The following TIAM2 variants were observed in gnomAD, a reference collection of about 807,000 sequenced individuals.
TIAM2 encodes rho guanine nucleotide exchange factor TIAM2.
TIAM2 carries 80 observed loss-of-function variants against 152.9 expected under a neutral mutation model. That is an observed-to-expected ratio of 0.52 (90% CI 0.44 to 0.63). The LOEUF (loss-of-function observed/expected upper bound fraction) is 0.63, where lower values mean the gene tolerates loss of function less well. Ranked by LOEUF, TIAM2 falls within the 30% of genes least tolerant of loss-of-function variation. The probability of loss-of-function intolerance (pLI) is 0.00; values close to 1 mark genes in which losing one functional copy is unlikely to be tolerated. For missense variants in TIAM2, 1,965 were observed against 2,120.1 expected, an observed-to-expected ratio of 0.93 and a Z score of 1.44; for synonymous variants, 804 against 838.0, an observed-to-expected ratio of 0.96 and a Z score of 0.70.
Position 155,133,218 on chromosome 6 carries a change from G to C in TIAM2, c.1194+2801G>C, listed in dbSNP as rs185544560. ...GAAAATTAGCTGGGCATGCTGGCAT[G>C]TGCCTGTTAGTCCCACTACTTGGGA... On this transcript the variant is annotated intron_variant, in intron 4 of 26. Coordinates refer to ENST00000682666, the MANE Select transcript of TIAM2 (RefSeq NM_012454.4). Among the ~76,000 whole-genome samples the C allele has an allele frequency of 5.0e-4, 76 of 152,268 alleles. 1 individual carries two copies. Among genetic ancestry groups the C allele is most frequent in the Admixed American group, 4.0e-3 (61 of 15,296 alleles).
intron 1 of TIAM2, among the ~76,000 whole-genome samples, chr6:155,057,363 G>T (rs1777476680): frequency 6.6e-6 from 1 of 151,754 alleles, no homozygotes; most frequent in African/African-American, 2.4e-5. Context: ...ATTGAACTGG[G>T]CTAATATGTT....
intron 15 of TIAM2, among the ~76,000 whole-genome samples, chr6:155,226,164 GC>G (rs1292150918): frequency 2.6e-5 from 4 of 152,164 alleles, no homozygotes. Flanking sequence ...CTGTCTCCCT[GC>G]CCCCATCCCA....
At chr6:155,168,397 G>A (rs1780495943) in intron 9 of TIAM2, among the ~76,000 whole-genome samples, 1 of 152,036 alleles carries the variant, frequency 6.6e-6, no homozygotes, top group South Asian at 2.1e-4. Context: ...TCGTGCTGTT[G>A]CCCAGGCTGC....
chr6:155,257,020 G>T lies in TIAM2; in HGVS notation c.5005G>T (p.Asp1669Tyr). 1 of 1,614,100 alleles carries T rather than the reference G, an allele frequency of 6.2e-7. No individual in the cohort carries two copies. The highest frequency in any genetic ancestry group is 8.5e-7 in the Non-Finnish European group (1 of 1,180,016). The stretch of plus-strand genomic sequence containing the variant: ...CAGTCAGTCTGAAAATGCCACCATC[G>T]ACCTAAATTCTGTTCTAGAGCGAGA... ...LDSQSENATI[D>Y]LNSVLEREFS... Residue 1669 changes from aspartate (D) to tyrosine (Y), a missense_variant, in exon 27 of 27, where the codon GAC (aspartate) becomes TAC (tyrosine). Asp to Tyr is a radical substitution (Grantham distance 160, BLOSUM62 -3). Coordinates refer to ENST00000682666, the MANE Select transcript of TIAM2 (RefSeq NM_012454.4).
chr6:155,104,065 C>CA (rs1277284175), intron 2 of TIAM2, among the ~76,000 whole-genome samples: 6 of 134,252 alleles, frequency 4.5e-5, no homozygotes, highest in African/African-American at 1.8e-4. Flanking sequence ...CCCCCACACA[C>CA]CCCCACACAC....
At chr6:155,094,367 A>G (rs772357144) in intron 2 of TIAM2, among the ~76,000 whole-genome samples, 3 of 152,138 alleles carry the variant, frequency 2.0e-5, no homozygotes, top group Non-Finnish European at 2.9e-5. Flanking sequence ...TATTTTTTCA[A>G]TGTCCATAGT....
chr6:155,250,801 A>C, intron 21 of TIAM2, 112 bp from the exon 22 acceptor site: 1 of 1,248,362 alleles, frequency 8.0e-7, no homozygotes, highest in Non-Finnish European at 1.2e-6. Flanking sequence ...CATAAAAATT[A>C]AACCAGCTGT....
chr6:155,032,213 G>A (rs772438425), intron 1 of TIAM2, among the ~76,000 whole-genome samples: 7 of 152,112 alleles, frequency 4.6e-5, no homozygotes, highest in African/African-American at 9.7e-5. Context: ...GCATACACAC[G>A]TCTTAAGCCT....
rs773489718 is a variant in TIAM2, at chr6:155,243,994, C to T, written c.3349-17C>T. 2.5e-5 allele frequency: 40 copies of T among 1,609,702 alleles called. No individual in the cohort carries two copies. Among genetic ancestry groups the T allele is most frequent in the Non-Finnish European group, 3.3e-5 (39 of 1,177,530 alleles). Reference sequence around the variant, plus strand: ...GAGACTAAAGCGTTGAAGACACTTTCTTCTATTTTCTTTCAGGATTTGAGC... The same window carrying T: ...GAGACTAAAGCGTTGAAGACACTTTTTTCTATTTTCTTTCAGGATTTGAGC... On this transcript the variant is annotated splice_polypyrimidine_tract_variant and intron_variant, in intron 16 of 26. Transcript: ENST00000682666.
chr6:155,233,958 G>A (rs1233258388), intron 15 of TIAM2, among the ~76,000 whole-genome samples: 1 of 145,934 alleles, frequency 6.9e-6, no homozygotes, highest in Non-Finnish European at 1.5e-5. Context: ...GTGAGACCCT[G>A]TCTCAAAAAA....
At position 155,156,906 on chromosome 6, in the gene TIAM2, G is replaced by A. The variant is rs1386460772; in HGVS notation, c.2029-7509G>A. ...TCTCGACTGTCATGAAGGGTTTAGG[G>A]GTCGCTTCCTCCAAGGCGCTGTCCT... On this transcript the variant is annotated intron_variant, in intron 7 of 26. Transcript: ENST00000682666. The surrounding 1 kb of genome is among the most constrained non-coding windows in gnomAD (Gnocchi z 4.4). 1.3e-5 allele frequency among the ~76,000 whole-genome samples: 2 copies of A among 152,068 alleles called. No homozygotes were observed. The highest frequency in any genetic ancestry group is 2.4e-5 in the African/African-American group (1 of 41,406).
rs1240665866 is a variant in TIAM2, at chr6:155,156,132, C to G, written c.2028+7798C>G. Among the ~76,000 whole-genome samples the G allele has an allele frequency of 6.6e-6, 1 of 152,112 alleles. No homozygotes were observed. The highest frequency in any genetic ancestry group is 6.6e-5 in the Admixed American group (1 of 15,264). ...ATGGAAGACCCTGGAGGAGGGAGGC[C>G]AAGTTGCTTCTTGAAAAATGAGGAG... On this transcript the variant is annotated intron_variant, in intron 7 of 26. Coordinates refer to ENST00000682666, the MANE Select transcript of TIAM2 (RefSeq NM_012454.4). This position sits in a 1 kb window ranked among gnomAD's most constrained non-coding sequence, Gnocchi z 4.4.
chr6:155,019,122 G>A (rs1163077361), intron 1 of TIAM2, among the ~76,000 whole-genome samples: 1 of 151,460 alleles, frequency 6.6e-6, no homozygotes, highest in Non-Finnish European at 1.5e-5. Context: ...GATCACTTGA[G>A]GTCAGGAATT....
rs773465068 is a variant in TIAM2, at chr6:155,016,874, TG to T, written c.-209+21385del. On this transcript the variant is annotated intron_variant, in intron 1 of 26. Coordinates refer to ENST00000682666, the MANE Select transcript of TIAM2 (RefSeq NM_012454.4). ...AAGATCATGCCACTGCACTCCAGCC[TG>T]GGTGATAGAGCGAGACTCCATCTCA... is the stretch of plus-strand genomic sequence containing the variant. Among the ~76,000 whole-genome samples the T allele has an allele frequency of 6.6e-5, 10 of 152,202 alleles. No individual in the cohort carries two copies. In the South Asian group the frequency reaches 2.1e-3, roughly 32 times the overall value.
chr6:155,061,607 G>A (rs867895704), intron 1 of TIAM2, among the ~76,000 whole-genome samples: 6 of 152,098 alleles, frequency 3.9e-5, no homozygotes, highest in Non-Finnish European at 5.9e-5. Context: ...TAAATTTACC[G>A]TCTACAGGGC....
intron 5 of TIAM2, among the ~76,000 whole-genome samples, chr6:155,142,525 C>A (rs73794470): frequency 2.6e-5 from 4 of 152,342 alleles, no homozygotes; most frequent in Admixed American, 1.3e-4. Flanking sequence ...GTGTGTGCAG[C>A]TGGAGCTGCT....
chr6:155,140,063 A>G (rs1430657240), intron 5 of TIAM2, among the ~76,000 whole-genome samples: 2 of 152,258 alleles, frequency 1.3e-5, no homozygotes, highest in Non-Finnish European at 2.9e-5. Context: ...GATTTCAAAG[A>G]GCAAATGTGA....
At chr6:155,051,838 C>T (rs1341719606) in intron 1 of TIAM2, among the ~76,000 whole-genome samples, 1 of 152,028 alleles carries the variant, frequency 6.6e-6, no homozygotes, top group African/African-American at 2.4e-5. Context: ...CGGGGTTTCA[C>T]CATGTTGGCC....
At chr6:155,153,205 C>T (rs1296461261) in intron 7 of TIAM2, among the ~76,000 whole-genome samples, 2 of 152,094 alleles carry the variant, frequency 1.3e-5, no homozygotes, top group Non-Finnish European at 2.9e-5. Context: ...CTGTGTCCTC[C>T]CCACACTCCC....
Sources: allele counts gnomAD v4.1 joint callset (sites outside exome capture counted in the v4.1 genomes callset), GRCh38; gene constraint gnomAD v4.1.1; non-coding constraint Gnocchi (gnomAD v3.1); transcripts MANE v1.5; gene names NCBI Gene and HGNC (gene_info 2026-07-23, HGNC 2026-07-21).